CALCR: variants seen among roughly 807,000 people sequenced by gnomAD.
The protein encoded by CALCR is calcitonin receptor.
A neutral mutation model predicts 59.5 loss-of-function variants in CALCR; 47 were observed. The observed-to-expected ratio is 0.79, with a 90% CI of 0.63 to 1.01. CALCR has a LOEUF of 1.01. Ranked by LOEUF, CALCR falls within the 50% of genes least tolerant of loss-of-function variation. The pLI, the probability that CALCR is intolerant of heterozygous loss-of-function variation, is 0.00. For missense variants in CALCR, 566 were observed against 597.1 expected (o/e 0.95, Z 0.54); for synonymous variants, 213 against 211.3 (o/e 1.01, Z -0.07).
chr7:93,465,444 A>G (rs1800420275), intron 7 of CALCR, among the ~76,000 whole-genome samples: 1 of 151,886 alleles, frequency 6.6e-6, no homozygotes, highest in Non-Finnish European at 1.5e-5. Context: ...ATCCCTTTCC[A>G]TAATATCATT....
At chr7:93,469,037 C>T (rs1369346852) in intron 6 of CALCR, among the ~76,000 whole-genome samples, 1 of 151,676 alleles carries the variant, frequency 6.6e-6, no homozygotes, top group Non-Finnish European at 1.5e-5. Flanking sequence ...GATGAAGTAC[C>T]TCATTCAAAA....
At chr7:93,499,372 A>C (rs932962187) in intron 2 of CALCR, among the ~76,000 whole-genome samples, 1 of 151,790 alleles carries the variant, frequency 6.6e-6, no homozygotes, top group Non-Finnish European at 1.5e-5. Flanking sequence ...GTATGTTAGG[A>C]TATTAAAAGT....
At chr7:93,479,680 C>T (rs922755853) in intron 3 of CALCR, among the ~76,000 whole-genome samples, 173 bp from the exon 4 acceptor site, 2 of 151,794 alleles carry the variant, frequency 1.3e-5, no homozygotes, top group African/African-American at 4.8e-5. Context: ...TTTCACATTT[C>T]ATCTACAAAT....
At chr7:93,458,161 A>G (rs1205493393) in intron 8 of CALCR, among the ~76,000 whole-genome samples, 1 of 152,132 alleles carries the variant, frequency 6.6e-6, no homozygotes, top group African/African-American at 2.4e-5. Flanking sequence ...AACAGATGCC[A>G]TGGTTTTAAA....
intron 8 of CALCR, among the ~76,000 whole-genome samples, chr7:93,455,309 G>T (rs1210138179): frequency 2.6e-5 from 4 of 151,854 alleles, no homozygotes; most frequent in Non-Finnish European, 4.4e-5. Flanking sequence ...TATAACTGTG[G>T]TTGTCGTTCT....
intron 2 of CALCR, among the ~76,000 whole-genome samples, chr7:93,573,095 T>G (rs2116300583): frequency 6.6e-6 from 1 of 152,308 alleles, no homozygotes; most frequent in African/African-American, 2.4e-5. Context: ...TTAGTTTCTC[T>G]CATAATACTG....
intron 2 of CALCR, among the ~76,000 whole-genome samples, chr7:93,522,838 T>G (rs1262034418): frequency 1.3e-5 from 2 of 152,196 alleles, no homozygotes; most frequent in Non-Finnish European, 2.9e-5. Context: ...AAGTTAATTA[T>G]TTTTTAAAGT....
intron 2 of CALCR, among the ~76,000 whole-genome samples, chr7:93,547,735 A>G (rs1197969192): frequency 1.3e-5 from 2 of 152,204 alleles, no homozygotes; most frequent in Non-Finnish European, 2.9e-5. Flanking sequence ...CTGAGTATTC[A>G]AAGCAAGTAA....
chr7:93,438,365 T>G, intron 9 of CALCR, 95 bp from the exon 10 acceptor site: 1 of 902,130 alleles, frequency 1.1e-6, no homozygotes, highest in Non-Finnish European at 1.8e-6. Context: ...GCAAAAATAC[T>G]GGCAAATTGA....
chr7:93,492,836 A>C (rs2115964131), intron 2 of CALCR, among the ~76,000 whole-genome samples: 1 of 151,412 alleles, frequency 6.6e-6, no homozygotes, highest in African/African-American at 2.4e-5. Context: ...AAATTTGAAA[A>C]CCTGAATAGG....
intron 3 of CALCR, among the ~76,000 whole-genome samples, chr7:93,481,043 C>G (rs1374936436): frequency 1.3e-5 from 2 of 151,794 alleles, no homozygotes; most frequent in Non-Finnish European, 2.9e-5. Context: ...TTAGCAACCT[C>G]TCACTAGATC....
intron 2 of CALCR, among the ~76,000 whole-genome samples, chr7:93,527,814 G>A (rs2116118103): frequency 6.6e-6 from 1 of 152,246 alleles, no homozygotes; most frequent in South Asian, 2.1e-4. Context: ...GCTCCATTAT[G>A]TAGGCTTGAT....
intron 2 of CALCR, among the ~76,000 whole-genome samples, chr7:93,528,454 T>C (rs1225539317): frequency 2.6e-5 from 4 of 151,982 alleles, no homozygotes; most frequent in Non-Finnish European, 4.4e-5. Context: ...CAGGCCCCGG[T>C]GTGTGATGTT....
chr7:93,473,033 G>T lies in CALCR; in HGVS notation c.317-546C>A, dbSNP rs139815602. ...AGAACAAAGAAGTCCAAAACTAAGG[G>T]ATATATCAAGAGGCCATTTTTCTGC... On this transcript the variant is annotated intron_variant, in intron 5 of 13. Transcript: ENST00000426151. 3.0e-3 allele frequency among the ~76,000 whole-genome samples: 461 copies of T among 151,754 alleles called. 1 individual carries two copies. The highest frequency in any genetic ancestry group is 0.011 in the African/African-American group (438 of 41,466).
At chr7:93,437,196 A>G (rs1313927343) in intron 11 of CALCR, among the ~76,000 whole-genome samples, 1 of 152,194 alleles carries the variant, frequency 6.6e-6, no homozygotes, top group Admixed American at 6.5e-5. Context: ...GCATTTCCTT[A>G]AAAATTTCTA....
intron 2 of CALCR, among the ~76,000 whole-genome samples, chr7:93,522,539 G>T (rs924146612): frequency 1.3e-5 from 2 of 152,058 alleles, no homozygotes; most frequent in African/African-American, 2.4e-5. Context: ...AGGTGTCAAG[G>T]ATTTACCTTA....
intron 2 of CALCR, among the ~76,000 whole-genome samples, chr7:93,568,712 C>T (rs1352418340): frequency 1.3e-5 from 2 of 151,256 alleles, no homozygotes; most frequent in Admixed American, 6.6e-5. Context: ...TTCTTTATTC[C>T]CTGTTTTTAC....
chr7:93,489,992 T>C (rs1008744262), intron 2 of CALCR, among the ~76,000 whole-genome samples: 2 of 152,022 alleles, frequency 1.3e-5, no homozygotes, highest in Non-Finnish European at 2.9e-5. Flanking sequence ...CTGATGAGCA[T>C]TGATGCAAAA....
chr7:93,515,693 A>G (rs552970981), intron 2 of CALCR, among the ~76,000 whole-genome samples: 1 of 152,132 alleles, frequency 6.6e-6, no homozygotes, highest in Non-Finnish European at 1.5e-5. Flanking sequence ...GAAGGCAGTC[A>G]TGACAAAGCT....
Sources: allele counts gnomAD v4.1 joint callset (sites outside exome capture counted in the v4.1 genomes callset), GRCh38; gene constraint gnomAD v4.1.1; transcripts MANE v1.5; gene names NCBI Gene and HGNC (gene_info 2026-07-23, HGNC 2026-07-21).